IMMP2L: variants seen among roughly 807,000 people sequenced by gnomAD.
IMMP2L encodes mitochondrial inner membrane protease subunit 2.
IMMP2L carries 18 observed loss-of-function variants against 19.3 expected under a neutral mutation model. The ratio of observed to expected loss-of-function variants is 0.93; its 90% confidence interval spans 0.64 to 1.38. IMMP2L has a LOEUF of 1.38. Among genes scored for constraint, IMMP2L ranks in the 40% most tolerant of loss-of-function variants. The pLI, the probability that IMMP2L is intolerant of heterozygous loss-of-function variation, is 0.00. For synonymous variants in IMMP2L, 76 were observed against 73.0 expected (o/e 1.04, Z -0.21); for missense variants, 233 against 218.2 (o/e 1.07, Z -0.43).
intron 3 of IMMP2L, among the ~76,000 whole-genome samples, chr7:111,360,353 C>T (rs1411871436): frequency 6.6e-6 from 1 of 152,142 alleles, no homozygotes; most frequent in Admixed American, 6.6e-5. Context: ...TCCCCATGAA[C>T]CTTGCAGGGG....
chr7:111,227,998 T>C (rs1010823138), intron 3 of IMMP2L, among the ~76,000 whole-genome samples: 6 of 152,136 alleles, frequency 3.9e-5, no homozygotes, highest in African/African-American at 1.4e-4. Context: ...CGACAGCATG[T>C]AGTGATTTCA....
At chr7:110,824,073 A>G (rs547195373) in intron 5 of IMMP2L, among the ~76,000 whole-genome samples, 60 of 152,252 alleles carry the variant, frequency 3.9e-4, no homozygotes, top group African/African-American at 1.4e-3. Flanking sequence ...ACATAATGCA[A>G]TACTTACATT....
chr7:111,496,314 T>C (rs1341217474), intron 2 of IMMP2L, among the ~76,000 whole-genome samples: 4 of 152,136 alleles, frequency 2.6e-5, no homozygotes, highest in Admixed American at 2.0e-4. Context: ...AAGCTGTAAG[T>C]TAGAAATGGA....
chr7:111,551,869 C>T (rs942180259), intron 1 of IMMP2L, among the ~76,000 whole-genome samples: 3 of 152,038 alleles, frequency 2.0e-5, no homozygotes, highest in African/African-American at 4.8e-5. Flanking sequence ...GCCCCTACTA[C>T]CTTAAGAATT....
At chr7:111,392,008 G>A (rs1357720698) in intron 3 of IMMP2L, 1 of 702,758 alleles carries the variant, frequency 1.4e-6, no homozygotes, top group Non-Finnish European at 2.6e-6. Context: ...TTGCTTCAAT[G>A]TCCTCTCCTA....
intron 3 of IMMP2L, among the ~76,000 whole-genome samples, chr7:111,087,616 T>C (rs1796467415): frequency 6.6e-6 from 1 of 152,154 alleles, no homozygotes; most frequent in Admixed American, 6.5e-5. Flanking sequence ...TTTTATCCAT[T>C]TTATATGCAT....
chr7:111,489,478 C>G lies in IMMP2L; in HGVS notation c.136-2137G>C, dbSNP rs768608816. 8.5e-4 allele frequency among the ~76,000 whole-genome samples: 129 copies of G among 152,244 alleles called. 2 individuals are homozygous for G. Among genetic ancestry groups the G allele is most frequent in the Admixed American group, 3.3e-4 (5 of 15,292 alleles). The stretch of plus-strand genomic sequence containing the variant: ...CTTCCTCTCCGCCTTCACTGAGGGG[C>G]TGATGACAGCAGCCAGTGGAGACAC... On this transcript the variant is annotated intron_variant, in intron 2 of 5. Transcript: ENST00000405709.
At chr7:111,393,713 G>A (rs980218648) in intron 3 of IMMP2L, among the ~76,000 whole-genome samples, 4 of 151,924 alleles carry the variant, frequency 2.6e-5, no homozygotes, top group East Asian at 1.9e-4. Context: ...CATCCCTCAC[G>A]CCCAAGAGTA....
chr7:111,024,420 C>A (rs1037415981), intron 3 of IMMP2L, among the ~76,000 whole-genome samples: 2 of 152,136 alleles, frequency 1.3e-5, no homozygotes. Context: ...CCTAGGAACT[C>A]CAAATGCCTT....
At chr7:110,695,507 T>G (rs1471938092) in intron 5 of IMMP2L, among the ~76,000 whole-genome samples, 1 of 152,152 alleles carries the variant, frequency 6.6e-6, no homozygotes, top group African/African-American at 2.4e-5. Context: ...AATGTTCACT[T>G]AAAGTGGATA....
At chr7:111,297,825 A>AT (rs1821793155) in intron 3 of IMMP2L, among the ~76,000 whole-genome samples, 2 of 152,132 alleles carry the variant, frequency 1.3e-5, no homozygotes, top group Non-Finnish European at 2.9e-5. Context: ...TATACTGTAT[A>AT]AGTCCATTTA....
chr7:111,456,518 G>C (rs549432164), intron 3 of IMMP2L, among the ~76,000 whole-genome samples: 1 of 152,108 alleles, frequency 6.6e-6, no homozygotes, highest in African/African-American at 2.4e-5. Context: ...AGACTAAGGA[G>C]ACAAAAGTCT....
In IMMP2L at chr7:110,741,656, G is replaced by A. The variant is rs547115157; in HGVS notation, c.409-77935C>T. 2.1e-4 allele frequency among the ~76,000 whole-genome samples: 32 copies of A among 152,132 alleles called. 1 individual carries two copies. Among genetic ancestry groups the A allele is most frequent in the South Asian group, 2.1e-3 (10 of 4,822 alleles). On this transcript the variant is annotated intron_variant, in intron 5 of 5. Transcript: ENST00000405709. ...ATTGTTTATGAATTACCTAGTATAA[G>A]GTATTTTGTTGCAGCAGCCAGAATG...
intron 5 of IMMP2L, among the ~76,000 whole-genome samples, chr7:110,801,341 T>G (rs1021015606): frequency 2.6e-5 from 4 of 152,072 alleles, no homozygotes; most frequent in Admixed American, 1.3e-4. Context: ...AAATTTTATT[T>G]GAACTTCCCA....
chr7:111,447,633 G>A (rs1311764416), intron 3 of IMMP2L, among the ~76,000 whole-genome samples: 2 of 151,504 alleles, frequency 1.3e-5, no homozygotes, highest in African/African-American at 2.4e-5. Context: ...TCGAGACTAG[G>A]AAGAAACTGC....
intron 3 of IMMP2L, among the ~76,000 whole-genome samples, chr7:111,150,492 A>G (rs7792877): frequency 1.0e-3 from 152 of 152,282 alleles, no homozygotes; most frequent in African/African-American, 3.5e-3. Flanking sequence ...CCTCCAACTG[A>G]GTCCCTGGGA....
At chr7:111,450,396 A>G (rs1839009574) in intron 3 of IMMP2L, among the ~76,000 whole-genome samples, 2 of 152,110 alleles carry the variant, frequency 1.3e-5, no homozygotes, top group African/African-American at 2.4e-5. Flanking sequence ...GAGCCCTCAA[A>G]TAACGCCGCA....
At chr7:111,474,407 A>G (rs1841541931) in intron 3 of IMMP2L, among the ~76,000 whole-genome samples, 2 of 152,078 alleles carry the variant, frequency 1.3e-5, no homozygotes, top group South Asian at 4.1e-4. Context: ...AACTAAAAAC[A>G]TCACTTCTCC....
chr7:110,748,480 G>A (rs545621091), intron 5 of IMMP2L, among the ~76,000 whole-genome samples: 15 of 152,142 alleles, frequency 9.9e-5, no homozygotes, highest in African/African-American at 1.7e-4. Flanking sequence ...GAGGCATCAC[G>A]CTACCTGACT....
Sources: gnomAD v4.1 joint callset for allele counts (sites outside exome capture counted in the v4.1 genomes callset) on GRCh38, gnomAD v4.1.1 for gene constraint, MANE v1.5 for transcripts, NCBI Gene and HGNC (gene_info 2026-07-23, HGNC 2026-07-21) for gene names.